Variants in ESRRB observed in about 807,000 individuals in gnomAD.
The protein encoded by ESRRB is estrogen related receptor beta, also known as steroid hormone receptor ERR2.
ESRRB carries 16 observed loss-of-function variants against 46.0 expected under a neutral mutation model. That is an observed-to-expected ratio of 0.35 (90% CI 0.24 to 0.53). The LOEUF is 0.53. ESRRB is among the 20% of genes least tolerant of loss of function. ESRRB has a pLI of 0.93. For missense variants in ESRRB, 488 were observed against 607.4 expected (o/e 0.80, Z 2.07); for synonymous variants, 246 against 259.6 (o/e 0.95, Z 0.50).
At chr14:76,392,994 G>A (rs1292244145) in intron 1 of ESRRB, among the ~76,000 whole-genome samples, 14 of 152,374 alleles carry the variant, frequency 9.2e-5, no homozygotes, top group African/African-American at 2.2e-4. Context: ...GCCTCTGTGC[G>A]GGCATGTGGG....
chr14:76,410,337 T>C (rs927804161), intron 1 of ESRRB, among the ~76,000 whole-genome samples: 3 of 152,228 alleles, frequency 2.0e-5, no homozygotes, highest in African/African-American at 7.2e-5. Flanking sequence ...TACATTCACA[T>C]GTGTAACAAA....
chr14:76,466,486 C>A (rs910203286), intron 3 of ESRRB, among the ~76,000 whole-genome samples: 1 of 152,088 alleles, frequency 6.6e-6, no homozygotes. Flanking sequence ...TGGCTGGGGA[C>A]AGATCCTATG....
rs769797433 is a variant in ESRRB at position 76,403,339 on chromosome 14, G to A, written c.50+26888G>A. On this transcript the variant is annotated intron_variant, in intron 1 of 6. Coordinates refer to ENST00000644823, the MANE Select transcript of ESRRB (RefSeq NM_001379180.1). Reference sequence around the variant, plus strand: ...TAACCACTCTACCCTGATTCCCACTGTGTGGCTGGGAAATCTATAGGCAAA... The same window carrying A: ...TAACCACTCTACCCTGATTCCCACTATGTGGCTGGGAAATCTATAGGCAAA... Among the ~76,000 whole-genome samples, 69 of 152,176 alleles carry A rather than the reference G, an allele frequency of 4.5e-4. 1 individual carries two copies. Among genetic ancestry groups the A allele is most frequent in the Non-Finnish European group, 8.7e-4 (59 of 68,032 alleles).
chr14:76,359,726 A>G (rs896725582), intron 1 of ESRRB, among the ~76,000 whole-genome samples: 2 of 152,122 alleles, frequency 1.3e-5, no homozygotes, highest in African/African-American at 4.8e-5. Context: ...AGGCCAGGGA[A>G]AGCAGAGGGC....
At position 76,335,285 on chromosome 14, in the gene ESRRB, C is replaced by G. The variant is rs184506065; in HGVS notation, c.2+24369C>G. 7.2e-3 allele frequency among the ~76,000 whole-genome samples: 1,096 copies of G among 152,284 alleles called. 5 individuals carry two copies. The highest frequency in any genetic ancestry group is 9.2e-3 in the Non-Finnish European group (627 of 68,024). On this transcript the variant is annotated intron_variant, in intron 1 of 6. Transcript: ENST00000512784. ...CACCTCTGCTGCCCTCTGACCAACC[C>G]TCTGTTCATCCACCCAATCTCTGAG...
chr14:76,325,320 A>G (rs973091422), intron 1 of ESRRB, among the ~76,000 whole-genome samples: 11 of 152,006 alleles, frequency 7.2e-5, no homozygotes, highest in African/African-American at 2.7e-4. Context: ...CGGAAGATAA[A>G]TTCTTATTCT....
At chr14:76,315,320 G>C (rs1222307956) in intron 1 of ESRRB, among the ~76,000 whole-genome samples, 1 of 151,874 alleles carries the variant, frequency 6.6e-6, no homozygotes, top group Non-Finnish European at 1.5e-5. Context: ...CCACCGAGGA[G>C]AGTCCATGCT....
chr14:76,484,834 G>A (rs889017861), intron 5 of ESRRB, among the ~76,000 whole-genome samples: 1 of 152,220 alleles, frequency 6.6e-6, no homozygotes, highest in Non-Finnish European at 1.5e-5. Flanking sequence ...GCAAGATACT[G>A]AATTTTTCGG....
chr14:76,493,300 G>A (rs1222232845), intron 6 of ESRRB, among the ~76,000 whole-genome samples: 1 of 152,002 alleles, frequency 6.6e-6, no homozygotes, highest in African/African-American at 2.4e-5. Context: ...GACTACATGC[G>A]TGCACCGCCA....
At chr14:76,425,882 C>A (rs2139899832) in intron 1 of ESRRB, among the ~76,000 whole-genome samples, 1 of 152,222 alleles carries the variant, frequency 6.6e-6, no homozygotes, top group East Asian at 1.9e-4. Context: ...CACCACCACG[C>A]CCAGCTAATT....
At chr14:76,322,099 G>A (rs1883874455) in intron 1 of ESRRB, among the ~76,000 whole-genome samples, 1 of 152,100 alleles carries the variant, frequency 6.6e-6, no homozygotes, top group African/African-American at 2.4e-5. Flanking sequence ...CATTTTCAAA[G>A]TTTTCATCTT....
At chr14:76,355,769 C>T (rs1316861719) in intron 1 of ESRRB, among the ~76,000 whole-genome samples, 1 of 152,178 alleles carries the variant, frequency 6.6e-6, no homozygotes, top group Non-Finnish European at 1.5e-5. Context: ...CAGGGTCCAA[C>T]ACATAGGAGG....
In ESRRB at chr14:76,482,065, G is replaced by A. The variant is rs746115108; in HGVS notation, c.627G>A (p.Arg209=). The part of the protein sequence containing the change: ...VRGGRQKYKR[R]LDSESSPYLS... ...GAGGCCGTCAGAAATACAAGCGACG[G>A]CTGGACTCAGAGAGCAGCCCATACC... Residue 209 remains arginine (R), a synonymous_variant, in exon 4 of 7, where the codon CGG becomes CGA. Coordinates refer to ENST00000644823, the MANE Select transcript of ESRRB (RefSeq NM_001379180.1). The surrounding 1 kb of genome is among the most constrained non-coding windows in gnomAD (Gnocchi z 4.3). The A allele has an allele frequency of 3.1e-6, 5 of 1,614,226 alleles. No homozygotes were observed. In the South Asian group the frequency reaches 5.5e-5, roughly 18 times the overall value.
At chr14:76,467,284 T>C (rs1306809939) in intron 3 of ESRRB, among the ~76,000 whole-genome samples, 1 of 151,738 alleles carries the variant, frequency 6.6e-6, no homozygotes, top group Non-Finnish European at 1.5e-5. Flanking sequence ...GCAGATCACC[T>C]GAGGTCAGGA....
At chr14:76,419,253 G>T (rs1287645022) in intron 1 of ESRRB, among the ~76,000 whole-genome samples, 1 of 152,034 alleles carries the variant, frequency 6.6e-6, no homozygotes, top group African/African-American at 2.4e-5. Context: ...GACCTCAGGT[G>T]ATCTTCCTGC....
At chr14:76,472,975 C>T (rs1233440911) in intron 3 of ESRRB, among the ~76,000 whole-genome samples, 1 of 152,238 alleles carries the variant, frequency 6.6e-6, no homozygotes, top group East Asian at 1.9e-4. Context: ...CCTAGACCTA[C>T]TGACTCAGAG....
intron 2 of ESRRB, among the ~76,000 whole-genome samples, chr14:76,439,953 G>A (rs1268429028): frequency 6.6e-6 from 1 of 152,108 alleles, no homozygotes; most frequent in East Asian, 1.9e-4. Flanking sequence ...GAGATGACAC[G>A]CGTTCCCCAC....
At chr14:76,428,262 C>T (rs1211503642) in intron 1 of ESRRB, among the ~76,000 whole-genome samples, 1 of 151,994 alleles carries the variant, frequency 6.6e-6, no homozygotes, top group Non-Finnish European at 1.5e-5. Flanking sequence ...CCTCCCAAAG[C>T]GCTGGGATTA....
At chr14:76,387,344 G>C (rs930984267) in intron 1 of ESRRB, among the ~76,000 whole-genome samples, 2 of 152,210 alleles carry the variant, frequency 1.3e-5, no homozygotes, top group Non-Finnish European at 2.9e-5. Context: ...AAGAGCTCTA[G>C]AGCCCCCTAC....
Sources: allele counts gnomAD v4.1 joint callset (sites outside exome capture counted in the v4.1 genomes callset), GRCh38; gene constraint gnomAD v4.1.1; non-coding constraint Gnocchi (gnomAD v3.1); transcripts MANE v1.5; gene names NCBI Gene and HGNC (gene_info 2026-07-23, HGNC 2026-07-21).